The following WWOX variants were observed in gnomAD, a reference collection of about 807,000 sequenced individuals.
WWOX encodes the protein WW domain containing oxidoreductase.
WWOX carries 69 observed loss-of-function variants against 46.2 expected under a neutral mutation model. That is an observed-to-expected ratio of 1.49 (90% CI 1.23 to 1.82). WWOX has a LOEUF of 1.82. WWOX is among the 40% of genes most tolerant of loss of function. The pLI, the probability that WWOX is intolerant of heterozygous loss-of-function variation, is 0.00. For missense variants in WWOX, 919 were observed against 542.6 expected, an observed-to-expected ratio of 1.69 and a Z score of -6.89; for synonymous variants, 359 against 202.6, an observed-to-expected ratio of 1.77 and a Z score of -6.56.
chr16:78,517,783 C>T (rs2043268068), intron 8 of WWOX, among the ~76,000 whole-genome samples: 1 of 149,434 alleles, frequency 6.7e-6, no homozygotes, highest in Non-Finnish European at 1.5e-5. Flanking sequence ...GGTTTATTTC[C>T]TTCTGGATTA....
chr16:78,593,464 A>G (rs2045399106), intron 8 of WWOX, among the ~76,000 whole-genome samples: 1 of 152,154 alleles, frequency 6.6e-6, no homozygotes, highest in Admixed American at 6.5e-5. Context: ...ATTGATCACA[A>G]AATCAAAACC....
chr16:78,246,787 G>C (rs992392343), intron 5 of WWOX, among the ~76,000 whole-genome samples: 1 of 152,178 alleles, frequency 6.6e-6, no homozygotes, highest in Non-Finnish European at 1.5e-5. Flanking sequence ...GGGGCGGTGT[G>C]TTTGGTGGGG....
At chr16:78,635,477 A>G (rs1242087430) in intron 8 of WWOX, among the ~76,000 whole-genome samples, 6 of 152,166 alleles carry the variant, frequency 3.9e-5, no homozygotes, top group Non-Finnish European at 8.8e-5. Context: ...GCACAATTAG[A>G]AGTCGTGCAC....
At chr16:78,298,588 T>C (rs1446656125) in intron 5 of WWOX, among the ~76,000 whole-genome samples, 1 of 152,106 alleles carries the variant, frequency 6.6e-6, no homozygotes, top group Non-Finnish European at 1.5e-5. Context: ...GGTCAGGAGT[T>C]CGAGACCAGC....
At chr16:78,669,450 G>A (rs1480756943) in intron 8 of WWOX, among the ~76,000 whole-genome samples, 2 of 152,204 alleles carry the variant, frequency 1.3e-5, no homozygotes, top group Non-Finnish European at 2.9e-5. Flanking sequence ...GTCAGAACTG[G>A]AAGCAGGAAG....
intron 8 of WWOX, among the ~76,000 whole-genome samples, chr16:78,600,136 G>T (rs183845129): frequency 1.3e-5 from 2 of 152,008 alleles, no homozygotes; most frequent in African/African-American, 2.4e-5. Flanking sequence ...ATCAGATCTC[G>T]TGAGACTTGT....
chr16:78,742,726 A>C (rs1003428215), intron 8 of WWOX, among the ~76,000 whole-genome samples: 1 of 152,124 alleles, frequency 6.6e-6, no homozygotes, highest in Non-Finnish European at 1.5e-5. Context: ...TGGGCGACAC[A>C]GTTTTGTTTT....
chr16:78,868,567 A>G (rs2044057093), intron 8 of WWOX, among the ~76,000 whole-genome samples: 1 of 152,260 alleles, frequency 6.6e-6, no homozygotes, highest in Admixed American at 6.5e-5. Context: ...TTCCAGGACC[A>G]TTAAATCAGG....
intron 8 of WWOX, among the ~76,000 whole-genome samples, chr16:78,553,651 C>T (rs1017072273): frequency 2.0e-5 from 3 of 152,076 alleles, no homozygotes; most frequent in Admixed American, 6.5e-5. Flanking sequence ...GGAGGGATGC[C>T]TGTGGCCAAT....
intron 8 of WWOX, among the ~76,000 whole-genome samples, chr16:78,979,523 C>T (rs898645292): frequency 1.3e-5 from 2 of 152,184 alleles, no homozygotes; most frequent in African/African-American, 4.8e-5. Context: ...GAAAGGCCCT[C>T]ACTCCCTGGA....
chr16:78,226,757 A>G (rs1439392971), intron 5 of WWOX, among the ~76,000 whole-genome samples: 1 of 152,000 alleles, frequency 6.6e-6, no homozygotes, highest in Admixed American at 6.6e-5. Flanking sequence ...GCTGATGGGC[A>G]CACTATTACA....
At chr16:78,554,286 G>T (rs193283261) in intron 8 of WWOX, among the ~76,000 whole-genome samples, 2 of 152,120 alleles carry the variant, frequency 1.3e-5, no homozygotes, top group South Asian at 2.1e-4. Context: ...TATAAGCCCC[G>T]TAGTAATATG....
At chr16:78,948,489 C>G (rs1214866507) in intron 8 of WWOX, among the ~76,000 whole-genome samples, 1 of 152,124 alleles carries the variant, frequency 6.6e-6, no homozygotes, top group Non-Finnish European at 1.5e-5. Flanking sequence ...TTGAGAACCT[C>G]CCGTTTCCTG....
rs113577328 is a variant in WWOX, at chr16:78,358,204, C to T, written c.517-28656C>T. On this transcript the variant is annotated intron_variant, in intron 5 of 8. Transcript: ENST00000566780. ...AACAATTCTCCTATCGAAAGATAAC[C>T]TCTTGTATTTACAAAAAAAAGAAGA... Among the ~76,000 whole-genome samples the T allele has an allele frequency of 2.5e-3, 387 of 152,114 alleles. 2 individuals are homozygous for T. Among genetic ancestry groups the T allele is most frequent in the African/African-American group, 9.1e-3 (377 of 41,466 alleles).
At chr16:78,219,013 T>C (rs1306315746) in intron 5 of WWOX, among the ~76,000 whole-genome samples, 1 of 152,244 alleles carries the variant, frequency 6.6e-6, no homozygotes, top group Non-Finnish European at 1.5e-5. Flanking sequence ...TTAGAAGTCC[T>C]TGGCGTCCAG....
chr16:78,421,013 T>C (rs1378071075), intron 6 of WWOX, among the ~76,000 whole-genome samples: 4 of 152,168 alleles, frequency 2.6e-5, no homozygotes, highest in Non-Finnish European at 5.9e-5. Context: ...CACTTCTCTG[T>C]TGTTGGATGT....
chr16:78,644,796 T>C (rs1361224964), intron 8 of WWOX, among the ~76,000 whole-genome samples: 2 of 152,200 alleles, frequency 1.3e-5, no homozygotes, highest in African/African-American at 4.8e-5. Flanking sequence ...AAATATTTAT[T>C]TCGTGACTAT....
At chr16:79,138,617 G>T (rs1402589950) in intron 8 of WWOX, among the ~76,000 whole-genome samples, 1 of 152,114 alleles carries the variant, frequency 6.6e-6, no homozygotes, top group Non-Finnish European at 1.5e-5. Flanking sequence ...CCTGTGCCAG[G>T]GATGCACCTT....
At chr16:79,105,977 A>G (rs1185527978) in intron 8 of WWOX, 1 of 152,252 alleles carries the variant, frequency 6.6e-6, no homozygotes, top group Non-Finnish European at 1.5e-5. Context: ...TGGGCCAGGA[A>G]TATCTTTCTA....
Sources: allele counts gnomAD v4.1 joint callset (sites outside exome capture counted in the v4.1 genomes callset), GRCh38; gene constraint gnomAD v4.1.1; transcripts MANE v1.5; gene names NCBI Gene and HGNC (gene_info 2026-07-23, HGNC 2026-07-21).